The following TJP2 variants were observed in gnomAD, a reference collection of about 807,000 sequenced individuals.
The protein encoded by TJP2 is tight junction protein 2.
Under a neutral mutation model 133.1 loss-of-function variants are expected in TJP2, and 91 were observed. That is an observed-to-expected ratio of 0.68 (90% CI 0.58 to 0.81). The LOEUF (loss-of-function observed/expected upper bound fraction) is 0.81, where lower values mean the gene tolerates loss of function less well. Among genes scored for constraint, TJP2 ranks in the 40% least tolerant of loss-of-function variants. TJP2 has a pLI of 0.00. For synonymous variants in TJP2, 592 were observed against 583.4 expected, an observed-to-expected ratio of 1.01 and a Z score of -0.21; for missense variants, 1,541 against 1,565.6, an observed-to-expected ratio of 0.98 and a Z score of 0.26.
Position 69,202,532 on chromosome 9 carries a change from C to T in TJP2, c.61-10016C>T, listed in dbSNP as rs544947160. Among the ~76,000 whole-genome samples the T allele has an allele frequency of 1.2e-4, 19 of 152,272 alleles. No individual in the cohort carries two copies. The South Asian group carries it at 3.9e-3, about 32-fold the overall frequency. On this transcript the variant is annotated intron_variant, in intron 1 of 22. Transcript: ENST00000377245. ...AACTTAACTAATAGCTTGCTGTTTA[C>T]CAGAAAACTTACCATAACATAAACA...
intron 2 of TJP2, among the ~76,000 whole-genome samples, chr9:69,158,936 C>G (rs1223705004): frequency 2.6e-5 from 4 of 151,782 alleles, no homozygotes; most frequent in Non-Finnish European, 4.4e-5. Flanking sequence ...TAGAGGTAAT[C>G]TGATTGTGTA....
At chr9:69,252,555 C>A (rs551807653) in intron 21 of TJP2, among the ~76,000 whole-genome samples, 1 of 152,286 alleles carries the variant, frequency 6.6e-6, no homozygotes, top group East Asian at 1.9e-4. Flanking sequence ...TGGCTTATTT[C>A]CCTTAGCATG....
At chr9:69,207,627 G>A (rs1827537804) in intron 1 of TJP2, among the ~76,000 whole-genome samples, 1 of 152,210 alleles carries the variant, frequency 6.6e-6, no homozygotes, top group Non-Finnish European at 1.5e-5. Context: ...ATATATGCGT[G>A]CTCTTTCTAT....
chr9:69,238,928 C>T, intron 16 of TJP2, 139 bp downstream of exon 16: 4 of 761,442 alleles, frequency 5.3e-6, no homozygotes, highest in Non-Finnish European at 6.8e-6. Context: ...TGGCTTACAC[C>T]TGTAATCCCA....
chr9:69,223,937 A>G (rs1829117958), intron 5 of TJP2, among the ~76,000 whole-genome samples: 1 of 152,226 alleles, frequency 6.6e-6, no homozygotes. Context: ...TAATTATAAG[A>G]TTTTTAGTTT....
At chr9:69,173,020 A>G (rs994847123), upstream of TJP2, among the ~76,000 whole-genome samples, 11 of 152,234 alleles carry the variant, frequency 7.2e-5, no homozygotes, top group African/African-American at 2.7e-4. Context: ...GCGTGGACTT[A>G]GTTACTCCAA....
At position 69,237,945 on chromosome 9, in the gene TJP2, T is replaced by C; in HGVS notation, c.2247T>C (p.Asn749=). Residue 749 remains asparagine, a synonymous_variant, in exon 15 of 23, where the codon AAT becomes AAC. Coordinates refer to ENST00000377245, the MANE Select transcript of TJP2 (RefSeq NM_004817.4). ...ATATAGCAATGGAAAAATTGGCTAA[T>C]GAGTTACCTGACTGGTTTCAAACTG... is the stretch of plus-strand genomic sequence containing the variant. ...IADIAMEKLA[N]ELPDWFQTAK... The C allele has an allele frequency of 1.2e-6, 2 of 1,613,250 alleles. No homozygotes were observed. The highest frequency in any genetic ancestry group is 1.7e-6 in the Non-Finnish European group (2 of 1,179,234).
intron 1 of TJP2, among the ~76,000 whole-genome samples, chr9:69,122,454 A>G (rs1231542052): frequency 6.6e-6 from 1 of 152,230 alleles, no homozygotes; most frequent in Non-Finnish European, 1.5e-5. Flanking sequence ...CTAACGCGGC[A>G]GAGACTTAGA....
intron 1 of TJP2, among the ~76,000 whole-genome samples, chr9:69,138,194 G>T (rs1240731561): frequency 6.6e-6 from 1 of 152,142 alleles, no homozygotes; most frequent in African/African-American, 2.4e-5. Context: ...ATGCTGTCTG[G>T]AGGTCCCATG....
In TJP2 at chr9:69,222,245, C is replaced by T. The variant is rs537408259; in HGVS notation, c.952+749C>T. On this transcript the variant is annotated intron_variant, in intron 5 of 22. Transcript: ENST00000377245. ...GCTGGAGAGTGCAGTGGCATGATCT[C>T]GGCTCACTGCAACCTCTGCCTCCTG... Among the ~76,000 whole-genome samples, 7 of 150,352 alleles carry T rather than the reference C, an allele frequency of 4.7e-5. No individual in the cohort carries two copies. In the East Asian group the frequency reaches 5.9e-4, roughly 13 times the overall value.
intron 17 of TJP2, among the ~76,000 whole-genome samples, chr9:69,243,617 C>T (rs916260487): frequency 1.3e-5 from 2 of 152,168 alleles, no homozygotes; most frequent in African/African-American, 2.4e-5. Flanking sequence ...GTGCATGGTT[C>T]GAAGATCATT....
chr9:69,221,122 G>T lies in TJP2; in HGVS notation c.578G>T (p.Arg193Leu). ...RARSRERDLS[R>L]DRSRGRSLER... Reference sequence around the variant, plus strand: ...CGGAGCCGGGAGCGGGACCTCAGCCGGGACCGGAGCCGTGGCCGGAGCCTG... The same window carrying T: ...CGGAGCCGGGAGCGGGACCTCAGCCTGGACCGGAGCCGTGGCCGGAGCCTG... Residue 193 changes from arginine to leucine, a missense_variant, in exon 5 of 23, where the codon CGG becomes CTG. Arg to Leu is a moderately radical substitution (Grantham distance 102). Coordinates refer to ENST00000377245, the MANE Select transcript of TJP2 (RefSeq NM_004817.4). The T allele has an allele frequency of 6.3e-7, 1 of 1,587,510 alleles. No homozygotes were observed. The highest frequency in any genetic ancestry group is 8.6e-7 in the Non-Finnish European group (1 of 1,167,650).
At chr9:69,217,120 A>C (rs1371560758) in intron 3 of TJP2, among the ~76,000 whole-genome samples, 7 of 151,806 alleles carry the variant, frequency 4.6e-5, no homozygotes, top group Admixed American at 6.6e-5. Flanking sequence ...CCACCTGAGT[A>C]GCTGGGATTA....
intron 1 of TJP2, among the ~76,000 whole-genome samples, chr9:69,144,490 C>A (rs1202509792): frequency 2.0e-5 from 3 of 151,788 alleles, no homozygotes; most frequent in African/African-American, 7.3e-5. Context: ...GTTGCCATAG[C>A]ACATCAAATA....
intron 2 of TJP2, among the ~76,000 whole-genome samples, chr9:69,165,534 T>C (rs555132631): frequency 1.3e-5 from 2 of 152,298 alleles, no homozygotes; most frequent in African/African-American, 2.4e-5. Flanking sequence ...ATACTGACTA[T>C]ATAGTCACTA....
intron 3 of TJP2, among the ~76,000 whole-genome samples, chr9:69,217,574 T>G (rs1038514024): frequency 1.3e-5 from 2 of 152,110 alleles, no homozygotes; most frequent in Non-Finnish European, 2.9e-5. Context: ...CCCAGCTACT[T>G]GGGAGGCTAA....
chr9:69,210,606 G>A (rs1216442030), intron 1 of TJP2, among the ~76,000 whole-genome samples: 1 of 152,002 alleles, frequency 6.6e-6, no homozygotes, highest in East Asian at 1.9e-4. Context: ...TTGTGTTGAT[G>A]GGCCTTCATT....
chr9:69,238,760 T>C lies in TJP2; in HGVS notation c.2326T>C (p.Leu776=), dbSNP rs1259239823. 6.2e-7 allele frequency: 1 copy of C among 1,613,998 alleles called. No individual in the cohort carries two copies. The highest frequency in any genetic ancestry group is 2.2e-5 in the East Asian group (1 of 44,874). ...TGAGAAATCCACTGGAGTGGTCCGG[T>C]TAAATACCGTGAGGCAAATTATTGA... ...GSEKSTGVVR[L]NTVRQIIEQD... Residue 776 remains leucine (L), a synonymous_variant, in exon 16 of 23, where the codon TTA becomes CTA. Transcript: ENST00000377245.
chr9:69,192,978 G>C (rs1826307872), intron 1 of TJP2, among the ~76,000 whole-genome samples: 1 of 143,832 alleles, frequency 7.0e-6, no homozygotes, highest in South Asian at 2.2e-4. Context: ...CTAGTGTCCA[G>C]TGGCACAGTC....
Sources: allele counts gnomAD v4.1 joint callset (sites outside exome capture counted in the v4.1 genomes callset), GRCh38; gene constraint gnomAD v4.1.1; transcripts MANE v1.5; gene names NCBI Gene and HGNC (gene_info 2026-07-23, HGNC 2026-07-21).